The following PREX1 variants were observed in gnomAD, a reference collection of about 807,000 sequenced individuals.
PREX1 encodes phosphatidylinositol-3,4,5-trisphosphate dependent Rac exchange factor 1.
PREX1 carries 41 observed loss-of-function variants against 198.3 expected under a neutral mutation model. The ratio of observed to expected loss-of-function variants is 0.21; its 90% CI spans 0.16 to 0.27. The LOEUF is 0.27. PREX1 is among the 10% of genes least tolerant of loss of function. PREX1 has a pLI of 1.00. For synonymous variants in PREX1, 843 were observed against 887.2 expected, an observed-to-expected ratio of 0.95 and a Z score of 0.89; for missense variants, 1,620 against 2,200.7, an observed-to-expected ratio of 0.74 and a Z score of 5.28.
At chr20:48,835,518 G>C in the PREX1 span, among the ~76,000 whole-genome samples, 5 of 152,218 alleles carry the variant, frequency 3.3e-5, no homozygotes, top group African/African-American at 4.8e-5. Context: ...ATGAGAGAAG[G>C]CCTCCCTGAG....
chr20:48,792,816 ATACAC>A (rs1299196248), intron 1 of PREX1, among the ~76,000 whole-genome samples: 2 of 76,580 alleles, frequency 2.6e-5, no homozygotes, highest in African/African-American at 4.2e-5. Context: ...AAAAAAAAAA[ATACAC>A]ACACACACAC....
the PREX1 span, among the ~76,000 whole-genome samples, chr20:48,876,599 T>G: frequency 6.6e-6 from 1 of 152,116 alleles, no homozygotes; most frequent in Non-Finnish European, 1.5e-5. Flanking sequence ...TTTTTAACAT[T>G]TTCTTGTTGG....
chr20:48,693,308 T>C (rs1457057669), intron 7 of PREX1, among the ~76,000 whole-genome samples: 3 of 152,166 alleles, frequency 2.0e-5, no homozygotes, highest in Non-Finnish European at 4.4e-5. Context: ...TTGGTGTCCC[T>C]CCAAAATTCA....
chr20:48,661,512 T>C (rs1309322872), intron 15 of PREX1, among the ~76,000 whole-genome samples: 1 of 121,696 alleles, frequency 8.2e-6, no homozygotes, highest in Non-Finnish European at 1.6e-5. Context: ...GTATATAACA[T>C]ATATAATATA....
chr20:48,846,822 C>T, the PREX1 span, among the ~76,000 whole-genome samples: 1 of 152,162 alleles, frequency 6.6e-6, no homozygotes, highest in South Asian at 2.1e-4. Context: ...CATGTGCCTG[C>T]TGGACACTCC....
At chr20:48,886,551 C>T in the PREX1 span, among the ~76,000 whole-genome samples, 51 of 152,294 alleles carry the variant, frequency 3.3e-4, no homozygotes, top group South Asian at 9.1e-3. Context: ...GCCTGATCTC[C>T]CCAGGCCTCA....
intron 3 of PREX1, among the ~76,000 whole-genome samples, chr20:48,739,113 C>T (rs1168018403): frequency 6.6e-6 from 1 of 152,168 alleles, no homozygotes; most frequent in East Asian, 1.9e-4. Context: ...GCCCTGCCCC[C>T]ACTATGACAC....
the PREX1 span, among the ~76,000 whole-genome samples, chr20:48,851,774 G>A: frequency 0.029 from 4,423 of 152,122 alleles, 229 homozygotes; most frequent in African/African-American, 0.1. Flanking sequence ...TTGCCTGATC[G>A]TCCGTAAATA....
intron 26 of PREX1, among the ~76,000 whole-genome samples, chr20:48,644,748 C>G (rs548141053): frequency 6.6e-6 from 1 of 152,322 alleles, no homozygotes; most frequent in South Asian, 2.1e-4. Flanking sequence ...AGGAGGAAGA[C>G]GGTGAATCAT....
At chr20:48,873,903 C>G in the PREX1 span, among the ~76,000 whole-genome samples, 3 of 151,980 alleles carry the variant, frequency 2.0e-5, no homozygotes, top group Non-Finnish European at 4.4e-5. Flanking sequence ...CCCTTGGTGC[C>G]GAGACAGTCT....
intron 1 of PREX1, among the ~76,000 whole-genome samples, chr20:48,784,566 C>A (rs1011425419): frequency 6.6e-6 from 1 of 152,170 alleles, no homozygotes; most frequent in Non-Finnish European, 1.5e-5. Flanking sequence ...AACAATTATT[C>A]TGTGACAGTG....
chr20:48,679,657 C>T lies in PREX1; in HGVS notation c.1533G>A (p.Met511Ile), dbSNP rs759981203. The T allele has an allele frequency of 1.4e-5, 23 of 1,607,678 alleles. No individual in the cohort carries two copies. The East Asian group carries it at 4.7e-4, about 33-fold the overall frequency. The change falls in exon 12 of 40, where the codon ATG becomes ATA. Residue 511 changes from methionine to isoleucine, a missense_variant. Physicochemically the swap from Met to Ile is conservative, Grantham distance 10. Around this residue, in one of 7 missense-constraint regions of PREX1, gnomAD observed 488 missense variants for 802.5 expected, o/e 0.61. Transcript: ENST00000371941. ...YKARSELEDI[M>I]SKGVRLYCRL... ...AGGGGCGGAGGGCCCCTACCTTGGA[C>T]ATGATGTCCTCCAGCTCACTTCGGG... is the stretch of plus-strand genomic sequence containing the variant.
chr20:48,829,319 C>T (rs561556749), upstream of PREX1, among the ~76,000 whole-genome samples: 1 of 152,286 alleles, frequency 6.6e-6, no homozygotes, highest in South Asian at 2.1e-4. Flanking sequence ...TAAAGTGATC[C>T]ACATAGTATC....
chr20:48,864,755 T>C, the PREX1 span, among the ~76,000 whole-genome samples: 26,343 of 152,164 alleles, frequency 0.17, 2,354 homozygotes, highest in Non-Finnish European at 0.19. Context: ...GGGCACTTTG[T>C]TTTTCATGGT....
At chr20:48,772,649 T>A (rs746821223) in intron 1 of PREX1, among the ~76,000 whole-genome samples, 26 of 152,290 alleles carry the variant, frequency 1.7e-4, no homozygotes, top group African/African-American at 2.2e-4. Flanking sequence ...TCATGTCTGC[T>A]GAGGAAATTT....
intron 31 of PREX1, among the ~76,000 whole-genome samples, chr20:48,637,185 G>A (rs2089371542): frequency 6.6e-6 from 1 of 152,204 alleles, no homozygotes. Flanking sequence ...TGAAGAACTG[G>A]CCAGTTTCAA....
chr20:48,747,688 C>T, intron 2 of PREX1, 121 bp downstream of exon 2: 1 of 1,139,782 alleles, frequency 8.8e-7, no homozygotes, highest in Admixed American at 2.1e-5. Flanking sequence ...AAGCTGGCGG[C>T]CAGCAGCCAG....
chr20:48,649,263 C>G (rs1284079600), intron 25 of PREX1, 37 bp downstream of exon 25: 1 of 1,593,912 alleles, frequency 6.3e-7, no homozygotes, highest in African/African-American at 1.3e-5. Context: ...AGAACACCTG[C>G]CCCTGCTCAC....
intron 15 of PREX1, among the ~76,000 whole-genome samples, chr20:48,664,985 C>T (rs1307693163): frequency 2.8e-4 from 34 of 120,804 alleles, no homozygotes; most frequent in African/African-American, 8.9e-4. Flanking sequence ...TCTAATCCCG[C>T]CCCAGACGGC....
Sources: gnomAD v4.1 joint callset for allele counts (sites outside exome capture counted in the v4.1 genomes callset) on GRCh38, gnomAD v4.1.1 for gene constraint, gnomAD v4.1.1 regional missense constraint, MANE v1.5 for transcripts, NCBI Gene and HGNC (gene_info 2026-07-23, HGNC 2026-07-21) for gene names.